OPN3: variants seen among roughly 807,000 people sequenced by gnomAD.
OPN3 encodes the protein opsin-3.
In OPN3, 29 loss-of-function variants were observed where a neutral mutation model predicts 33.8. The ratio of observed to expected loss-of-function variants is 0.86; its 90% CI spans 0.64 to 1.17. The LOEUF (loss-of-function observed/expected upper bound fraction) is 1.17. OPN3 is among the 50% of genes most tolerant of loss of function. The pLI, the probability that OPN3 is intolerant of heterozygous loss-of-function variation, is 0.00. For missense variants in OPN3, 437 were observed against 514.1 expected (o/e 0.85, Z 1.45); for synonymous variants, 216 against 216.1 (o/e 1.00, Z 0.00).
intron 1 of OPN3, among the ~76,000 whole-genome samples, chr1:241,625,230 T>G (rs183605608): frequency 5.9e-5 from 9 of 152,342 alleles, no homozygotes; most frequent in African/African-American, 1.7e-4. Flanking sequence ...CTGCTGCCTA[T>G]CTCATTGCTT....
rs1464506545 is a variant in OPN3 at position 241,594,371 on chromosome 1, A to G, written c.*57T>C. 33 of 1,560,726 alleles carry G rather than the reference A, an allele frequency of 2.1e-5. No homozygotes were observed. The highest frequency in any genetic ancestry group is 1.7e-5 in the Non-Finnish European group (19 of 1,148,266). On this transcript the variant is annotated 3_prime_UTR_variant, in exon 4 of 4. Coordinates refer to ENST00000366554, the MANE Select transcript of OPN3 (RefSeq NM_014322.3). ...GGTATTCCAGACACTTCTTATGATG[A>G]AAGTCCAAAAGTGGCATCCAATTTA...
intron 1 of OPN3, among the ~76,000 whole-genome samples, chr1:241,623,835 C>T (rs1191342619): frequency 1.3e-5 from 2 of 152,206 alleles, no homozygotes; most frequent in African/African-American, 2.4e-5. Flanking sequence ...TTTTCCCAGC[C>T]TCCTCTCCAC....
chr1:241,634,552 T>G, intron 1 of OPN3: 1 of 1,613,906 alleles, frequency 6.2e-7, no homozygotes, highest in South Asian at 1.1e-5. Flanking sequence ...AGCATTGTAC[T>G]TTATGACGAA....
chr1:241,634,112 A>G (rs1394273794), intron 1 of OPN3: 1 of 1,609,708 alleles, frequency 6.2e-7, no homozygotes, highest in Non-Finnish European at 8.5e-7. Flanking sequence ...ATTAAAATAA[A>G]GAGCCCACAA....
chr1:241,602,257 GACC>G (rs1663697238), intron 2 of OPN3, among the ~76,000 whole-genome samples: 2 of 152,142 alleles, frequency 1.3e-5, no homozygotes, highest in South Asian at 2.1e-4. Flanking sequence ...GATGGCAGGA[GACC>G]ACCACAAGAA....
chr1:241,596,066 A>G (rs183713819), intron 3 of OPN3, among the ~76,000 whole-genome samples: 1 of 152,370 alleles, frequency 6.6e-6, no homozygotes, highest in Admixed American at 6.5e-5. Context: ...ATATTGGGCA[A>G]CCATACATAC....
intron 3 of OPN3, 67 bp downstream of exon 3, chr1:241,597,679 A>G: frequency 1.3e-6 from 2 of 1,495,878 alleles, no homozygotes; most frequent in Non-Finnish European, 9.0e-7. Context: ...ACCTCTGTAA[A>G]AGTATTACAC....
At chr1:241,598,873 T>C (rs1280322045) in intron 2 of OPN3, among the ~76,000 whole-genome samples, 6 of 152,198 alleles carry the variant, frequency 3.9e-5, no homozygotes, top group Admixed American at 2.6e-4. Flanking sequence ...ATACAAATAC[T>C]CTATATATTG....
At chr1:241,600,511 C>G (rs1254046539) in intron 2 of OPN3, 1 of 152,202 alleles carries the variant, frequency 6.6e-6, no homozygotes, top group African/African-American at 2.4e-5. Context: ...AATTCTCTAT[C>G]AGATTGTTCT....
At chr1:241,601,828 T>C (rs1382631999) in intron 2 of OPN3, among the ~76,000 whole-genome samples, 4 of 152,200 alleles carry the variant, frequency 2.6e-5, no homozygotes, top group African/African-American at 9.7e-5. Context: ...GGATGACACA[T>C]AGTCAAAGAT....
At chr1:241,605,992 T>A (rs1663820087) in intron 1 of OPN3, among the ~76,000 whole-genome samples, 1 of 152,192 alleles carries the variant, frequency 6.6e-6, no homozygotes, top group Non-Finnish European at 1.5e-5. Context: ...ATTCCCCTTT[T>A]CCTCCTCCTC....
intron 1 of OPN3, among the ~76,000 whole-genome samples, chr1:241,611,840 C>T (rs1664010986): frequency 6.6e-6 from 1 of 152,120 alleles, no homozygotes; most frequent in African/African-American, 2.4e-5. Flanking sequence ...ATGGGAAGTT[C>T]CCTTGGGCTG....
chr1:241,629,470 C>T (rs1411210132), intron 1 of OPN3: 1 of 152,034 alleles, frequency 6.6e-6, no homozygotes, highest in Non-Finnish European at 1.5e-5. Flanking sequence ...TATACACGAT[C>T]GCTTTATAAA....
intron 1 of OPN3, among the ~76,000 whole-genome samples, chr1:241,605,070 T>TAAA (rs1321942629): frequency 2.5e-5 from 3 of 118,556 alleles, no homozygotes; most frequent in South Asian, 2.9e-4. Context: ...AAAAAAAAAA[T>TAAA]AAAATAAAAT....
intron 1 of OPN3, chr1:241,635,033 A>G (rs1282151369): frequency 3.1e-6 from 5 of 1,613,248 alleles, no homozygotes; most frequent in Non-Finnish European, 4.2e-6. Flanking sequence ...TAAAAGATCA[A>G]TTAGCAATCC....
In OPN3 at chr1:241,594,344, C is replaced by T. The variant is rs780250880; in HGVS notation, c.*84G>A. On this transcript the variant is annotated 3_prime_UTR_variant, in exon 4 of 4. Transcript: ENST00000366554. ...AAGGTTCTGTTGATATTACATAGAA[C>T]GGGTATTCCAGACACTTCTTATGAT... The T allele has an allele frequency of 8.9e-5, 126 of 1,417,136 alleles. No homozygotes were observed. The highest frequency in any genetic ancestry group is 6.1e-4 in the Middle Eastern group (3 of 4,900). The allele number at this position is 1,417,136 out of a possible 1,614,324, so 87.8% of individuals were successfully genotyped here.
At chr1:241,610,179 C>G (rs1663953240) in intron 1 of OPN3, among the ~76,000 whole-genome samples, 1 of 152,182 alleles carries the variant, frequency 6.6e-6, no homozygotes, top group African/African-American at 2.4e-5. Flanking sequence ...CACACCATGC[C>G]CAGGCTGCAA....
At chr1:241,625,393 AGTATGCTAAAAT>A (rs1664388152) in intron 1 of OPN3, among the ~76,000 whole-genome samples, 1 of 152,326 alleles carries the variant, frequency 6.6e-6, no homozygotes, top group African/African-American at 2.4e-5. Flanking sequence ...TTCCAAAAAC[AGTATGCTAAAAT>A]GTTTTTACAT....
intron 1 of OPN3, chr1:241,635,667 C>A (rs1664868415): frequency 6.2e-7 from 1 of 1,614,052 alleles, no homozygotes. Flanking sequence ...ATATGCAGAA[C>A]CCTCTGACCA....
Sources: allele counts gnomAD v4.1 joint callset (sites outside exome capture counted in the v4.1 genomes callset), GRCh38; gene constraint gnomAD v4.1.1; transcripts MANE v1.5; gene names NCBI Gene and HGNC (gene_info 2026-07-23, HGNC 2026-07-21).